The following PPP2R2B variants were observed in gnomAD, a reference collection of about 807,000 sequenced individuals.
PPP2R2B encodes the protein serine/threonine-protein phosphatase 2A 55 kDa regulatory subunit B beta isoform.
PPP2R2B carries 5 observed loss-of-function variants against 46.0 expected under a neutral mutation model. The ratio of observed to expected loss-of-function variants is 0.11; its 90% confidence interval spans 0.06 to 0.23. The LOEUF (loss-of-function observed/expected upper bound fraction) is 0.23. Ranked by LOEUF, PPP2R2B falls within the 10% of genes least tolerant of loss-of-function variation. The pLI is 1.00. For missense variants in PPP2R2B, 367 were observed against 575.0 expected, an observed-to-expected ratio of 0.64 and a Z score of 3.70; for synonymous variants, 215 against 206.7, an observed-to-expected ratio of 1.04 and a Z score of -0.34.
intron 2 of PPP2R2B, among the ~76,000 whole-genome samples, chr5:147,080,906 A>T (rs1394434591): frequency 6.6e-6 from 1 of 151,936 alleles, no homozygotes; most frequent in Non-Finnish European, 1.5e-5. Context: ...AAAACAGGAG[A>T]GAAAGAAGTT....
At chr5:146,986,117 T>A (rs1234569273) in intron 1 of PPP2R2B, among the ~76,000 whole-genome samples, 2 of 151,912 alleles carry the variant, frequency 1.3e-5, no homozygotes, top group Non-Finnish European at 2.9e-5. Context: ...AAGAGGCACA[T>A]TGGAGAGGGG....
At chr5:146,857,335 TA>T (rs1303677348) in intron 2 of PPP2R2B, among the ~76,000 whole-genome samples, 1 of 151,984 alleles carries the variant, frequency 6.6e-6, no homozygotes, top group African/African-American at 2.4e-5. Flanking sequence ...CGTGTAAGAT[TA>T]AAAAAAATTA....
chr5:146,791,157 G>A (rs1305830887), intron 2 of PPP2R2B, among the ~76,000 whole-genome samples: 1 of 152,268 alleles, frequency 6.6e-6, no homozygotes, highest in South Asian at 2.1e-4. Context: ...CAAAAAGTAA[G>A]GAGTAGAATG....
intron 1 of PPP2R2B, among the ~76,000 whole-genome samples, chr5:146,934,360 T>C (rs551141797): frequency 6.6e-6 from 1 of 151,724 alleles, no homozygotes; most frequent in South Asian, 2.1e-4. Flanking sequence ...CCTGACTTTT[T>C]AATGATTGCC....
intron 7 of PPP2R2B, among the ~76,000 whole-genome samples, chr5:146,632,315 G>A (rs528336563): frequency 4.6e-5 from 7 of 152,108 alleles, no homozygotes; most frequent in Non-Finnish European, 7.4e-5. Flanking sequence ...TCCTTCTTTC[G>A]TAGCCTCCAG....
At chr5:146,858,841 G>A (rs1040388037) in intron 2 of PPP2R2B, among the ~76,000 whole-genome samples, 1 of 152,160 alleles carries the variant, frequency 6.6e-6, no homozygotes, top group Non-Finnish European at 1.5e-5. Context: ...TGTGGTTCCA[G>A]AGACTCTTCC....
At chr5:146,837,817 G>A (rs1336552379) in intron 2 of PPP2R2B, among the ~76,000 whole-genome samples, 3 of 152,190 alleles carry the variant, frequency 2.0e-5, no homozygotes, top group South Asian at 2.1e-4. Context: ...CTATCTTGTC[G>A]AATAGCACAA....
chr5:147,024,504 A>T (rs2151887329), intron 1 of PPP2R2B, among the ~76,000 whole-genome samples: 1 of 152,202 alleles, frequency 6.6e-6, no homozygotes, highest in East Asian at 1.9e-4. Context: ...AACACACAAC[A>T]CCTAAAAAAA....
chr5:146,910,149 A>G (rs527747486), intron 1 of PPP2R2B, among the ~76,000 whole-genome samples: 51 of 152,326 alleles, frequency 3.3e-4, no homozygotes, highest in African/African-American at 1.1e-3. Flanking sequence ...GCTATTTACA[A>G]TTTGAAGTCT....
chr5:146,786,123 G>T (rs1048494504), intron 2 of PPP2R2B, among the ~76,000 whole-genome samples: 3 of 151,992 alleles, frequency 2.0e-5, no homozygotes, highest in Non-Finnish European at 4.4e-5. Flanking sequence ...TTGTATGCAT[G>T]TATCAAAATA....
At chr5:146,840,444 C>A (rs773426285) in intron 2 of PPP2R2B, among the ~76,000 whole-genome samples, 12 of 152,304 alleles carry the variant, frequency 7.9e-5, no homozygotes, top group Middle Eastern at 6.8e-3. Flanking sequence ...CTTAATAAAT[C>A]TTAGTTTCTT....
chr5:147,073,626 C>T (rs912239456), intron 2 of PPP2R2B, among the ~76,000 whole-genome samples: 2 of 152,184 alleles, frequency 1.3e-5, no homozygotes, highest in African/African-American at 4.8e-5. Flanking sequence ...TTCTGGTTTC[C>T]TTTAAATGCA....
chr5:146,905,253 C>T (rs1378162140), intron 1 of PPP2R2B, among the ~76,000 whole-genome samples: 1 of 152,132 alleles, frequency 6.6e-6, no homozygotes, highest in African/African-American at 2.4e-5. Context: ...ATTAAACACA[C>T]ACCATTCAAT....
chr5:146,983,181 T>TTTTTTA (rs1753256456), intron 1 of PPP2R2B, among the ~76,000 whole-genome samples: 1 of 130,702 alleles, frequency 7.7e-6, no homozygotes, highest in Non-Finnish European at 1.7e-5. Flanking sequence ...AGAGCATTTT[T>TTTTTTA]TTTTTTTTTT....
At chr5:146,852,181 G>A (rs1280311325) in intron 2 of PPP2R2B, among the ~76,000 whole-genome samples, 1 of 152,044 alleles carries the variant, frequency 6.6e-6, no homozygotes, top group Non-Finnish European at 1.5e-5. Context: ...GCAGGCTTAT[G>A]AGGGGACAGG....
chr5:146,702,618 A>ATG lies in PPP2R2B; in HGVS notation c.71-1477_71-1476insCA, dbSNP rs1581911549. Among the ~76,000 whole-genome samples the ATG allele has an allele frequency of 3.9e-5, 6 of 152,262 alleles. No homozygotes were observed. The East Asian group carries it at 1.2e-3, about 29-fold the overall frequency. On this transcript the variant is annotated intron_variant, in intron 2 of 9. Coordinates refer to ENST00000394411, the MANE Select transcript of PPP2R2B (RefSeq NM_181675.4). The stretch of plus-strand genomic sequence containing the variant: ...ATGTTCTCATTGTTTAAATATATAT[A>ATG]GGAAGCTGGAAATCAGGACTTTTAT...
At chr5:147,078,710 A>G (rs1204360116) in intron 2 of PPP2R2B, among the ~76,000 whole-genome samples, 2 of 151,648 alleles carry the variant, frequency 1.3e-5, no homozygotes, top group Non-Finnish European at 2.9e-5. Flanking sequence ...TGGGAGGCTG[A>G]GGCAGGAGAA....
intron 1 of PPP2R2B, among the ~76,000 whole-genome samples, chr5:147,001,224 G>A (rs1454912768): frequency 6.6e-6 from 1 of 152,162 alleles, no homozygotes; most frequent in Non-Finnish European, 1.5e-5. Flanking sequence ...ACCTGCTCAG[G>A]TCCCCTTCCA....
chr5:146,854,197 G>C (rs889975750), intron 2 of PPP2R2B, among the ~76,000 whole-genome samples: 3 of 152,064 alleles, frequency 2.0e-5, no homozygotes, highest in Non-Finnish European at 2.9e-5. Flanking sequence ...ACACTGGAAT[G>C]GATTTTAGAA....
Sources: gnomAD v4.1 joint callset for allele counts (sites outside exome capture counted in the v4.1 genomes callset) on GRCh38, gnomAD v4.1.1 for gene constraint, MANE v1.5 for transcripts, NCBI Gene and HGNC (gene_info 2026-07-23, HGNC 2026-07-21) for gene names.